Variants in AOPEP observed in about 807,000 individuals in gnomAD.
AOPEP encodes the protein aminopeptidase O (putative).
Under a neutral mutation model 98.1 loss-of-function variants are expected in AOPEP, and 77 were observed. The observed-to-expected ratio is 0.78, with a 90% CI of 0.65 to 0.95. AOPEP has a LOEUF of 0.95. Ranked by LOEUF, AOPEP falls within the 40% of genes least tolerant of loss-of-function variation. The probability of loss-of-function intolerance (pLI) is 0.00; values close to 1 mark genes in which losing one functional copy is unlikely to be tolerated. For synonymous variants in AOPEP, 346 were observed against 365.3 expected (o/e 0.95, Z 0.60); for missense variants, 1,024 against 1,024.7 (o/e 1.00, Z 0.01).
At chr9:94,958,746 A>C (rs1287797079) in intron 9 of AOPEP, among the ~76,000 whole-genome samples, 1 of 152,170 alleles carries the variant, frequency 6.6e-6, no homozygotes, top group Non-Finnish European at 1.5e-5. Flanking sequence ...TTTATTATTG[A>C]GTTTTAAGAC....
At chr9:94,977,244 C>G (rs1225558848) in intron 10 of AOPEP, among the ~76,000 whole-genome samples, 3 of 152,102 alleles carry the variant, frequency 2.0e-5, no homozygotes, top group Non-Finnish European at 2.9e-5. Context: ...GCACTGTCCC[C>G]ACCTTATCTG....
chr9:95,130,088 A>C, the AOPEP span, among the ~76,000 whole-genome samples: 3 of 152,172 alleles, frequency 2.0e-5, no homozygotes, highest in Admixed American at 2.0e-4. Flanking sequence ...GGGAGAGGCC[A>C]ACTTGTCACT....
At chr9:94,887,725 CTCTT>C (rs2135986682) in intron 5 of AOPEP, among the ~76,000 whole-genome samples, 2 of 152,338 alleles carry the variant, frequency 1.3e-5, no homozygotes, top group South Asian at 4.1e-4. Context: ...ACTCGGTCCT[CTCTT>C]TCCTGTCCAC....
chr9:95,008,947 T>A (rs2062263751), intron 13 of AOPEP, among the ~76,000 whole-genome samples: 1 of 152,266 alleles, frequency 6.6e-6, no homozygotes, highest in Non-Finnish European at 1.5e-5. Flanking sequence ...CTTCTACTTC[T>A]GGTCCTCAGG....
intron 5 of AOPEP, chr9:94,824,750 G>T (rs1854086398): frequency 6.6e-6 from 1 of 152,050 alleles, no homozygotes; most frequent in Non-Finnish European, 1.5e-5. Flanking sequence ...TGGAGAAAAA[G>T]AACATAATAA....
chr9:95,065,400 A>T (rs1271804498), intron 14 of AOPEP: 2 of 152,270 alleles, frequency 1.3e-5, no homozygotes, highest in African/African-American at 4.8e-5. Flanking sequence ...ACCGAGGCTT[A>T]TGAATAGGAG....
At chr9:94,853,858 C>T (rs1475340307) in intron 5 of AOPEP, among the ~76,000 whole-genome samples, 1 of 152,190 alleles carries the variant, frequency 6.6e-6, no homozygotes, top group Admixed American at 6.5e-5. Context: ...ATCCATGGTA[C>T]ACGCATGGAG....
Position 94,955,173 on chromosome 9 carries a change from T to C in AOPEP, c.1662-4T>C. On this transcript the variant is annotated splice_polypyrimidine_tract_variant and splice_region_variant and intron_variant, in intron 7 of 16. Transcript: ENST00000375315. ...TTAAATAAATTGTTACTAAATCGTT[T>C]TAGACCCAGTAAAGACAAAACTGGC... The C allele has an allele frequency of 6.3e-7, 1 of 1,587,728 alleles. No homozygotes were observed. The highest frequency in any genetic ancestry group is 1.3e-5 in the African/African-American group (1 of 74,272).
In AOPEP at chr9:94,841,206, C is replaced by A. The variant is rs191873318; in HGVS notation, c.1364+40204C>A. 1.9e-3 allele frequency among the ~76,000 whole-genome samples: 273 copies of A among 147,452 alleles called. 1 individual carries two copies. Among genetic ancestry groups the A allele is most frequent in the African/African-American group, 6.4e-3 (257 of 39,866 alleles). On this transcript the variant is annotated intron_variant, in intron 5 of 16. Transcript: ENST00000375315. ...TTTTTTTTTGAGACGGAGTCTCACT[C>A]TGTCGCCCAGGCTAGATTGCAATGG...
chr9:95,100,754 T>G, the AOPEP span: 7 of 225,916 alleles, frequency 3.1e-5, no homozygotes, highest in African/African-American at 1.1e-4. Context: ...CCTCAGCCTC[T>G]TGAATAGCTG....
chr9:94,878,906 G>C (rs2047270289), intron 5 of AOPEP, among the ~76,000 whole-genome samples: 1 of 152,222 alleles, frequency 6.6e-6, no homozygotes, highest in Non-Finnish European at 1.5e-5. Flanking sequence ...AGCTGGCTTT[G>C]TGGGAGACCG....
chr9:94,989,894 C>CCA (rs1433583745), intron 11 of AOPEP, among the ~76,000 whole-genome samples: 1 of 152,172 alleles, frequency 6.6e-6, no homozygotes, highest in African/African-American at 2.4e-5. Flanking sequence ...CAGGCATGAG[C>CCA]CACTGCGCCC....
intron 7 of AOPEP, among the ~76,000 whole-genome samples, chr9:94,952,684 GT>G (rs1488727148): frequency 6.6e-6 from 1 of 152,216 alleles, no homozygotes; most frequent in Non-Finnish European, 1.5e-5. Context: ...AGAGATGGAA[GT>G]TTCCTGTTTC....
At chr9:94,758,635 A>G (rs908536160) in intron 1 of AOPEP, among the ~76,000 whole-genome samples, 1 of 152,136 alleles carries the variant, frequency 6.6e-6, no homozygotes, top group Non-Finnish European at 1.5e-5. Flanking sequence ...AGAAATACGA[A>G]AATTATTTTA....
At chr9:94,998,671 C>G (rs1362424394) in intron 11 of AOPEP, among the ~76,000 whole-genome samples, 1 of 152,228 alleles carries the variant, frequency 6.6e-6, no homozygotes, top group African/African-American at 2.4e-5. Flanking sequence ...TTATACCTTG[C>G]TGTATTACTG....
chr9:95,074,806 G>GCCCAGGCCGCACCTGCTCTTCCCCCT (rs2068868721), intron 14 of AOPEP, among the ~76,000 whole-genome samples: 1 of 152,198 alleles, frequency 6.6e-6, no homozygotes, highest in Non-Finnish European at 1.5e-5. Flanking sequence ...GGCCAGCCAG[G>GCCCAGGCCGCACCTGCTCTTCCCCCT]CCCAGGCCGC....
rs1052605567 is a variant in AOPEP, at chr9:94,989,853, C to A, written c.1977+10426C>A. On this transcript the variant is annotated intron_variant, in intron 11 of 16. Coordinates refer to ENST00000375315, the MANE Select transcript of AOPEP (RefSeq NM_001193329.3). ...CTCAAACTCCTGACCTTGTGATCCG[C>A]CCGCCTCGGCCTCCCAAAGTGCTGG... 2.6e-5 allele frequency among the ~76,000 whole-genome samples: 4 copies of A among 152,000 alleles called. No homozygotes were observed. In the East Asian group the frequency reaches 7.7e-4, roughly 29 times the overall value.
intron 11 of AOPEP, among the ~76,000 whole-genome samples, chr9:94,995,528 G>C (rs994737778): frequency 3.3e-5 from 5 of 152,094 alleles, no homozygotes; most frequent in Non-Finnish European, 7.4e-5. Flanking sequence ...AAACAGTTAA[G>C]TCACATTTAC....
chr9:94,935,533 G>C (rs2056121873), intron 7 of AOPEP, among the ~76,000 whole-genome samples: 1 of 152,164 alleles, frequency 6.6e-6, no homozygotes, highest in South Asian at 2.1e-4. Flanking sequence ...GTTCGCATCA[G>C]GCAGTGGACC....
Sources: allele counts gnomAD v4.1 joint callset (sites outside exome capture counted in the v4.1 genomes callset), GRCh38; gene constraint gnomAD v4.1.1; transcripts MANE v1.5; gene names NCBI Gene and HGNC (gene_info 2026-07-23, HGNC 2026-07-21).